Variants in LRRC4C observed in about 807,000 individuals in gnomAD.
The protein encoded by LRRC4C is leucine-rich repeat-containing protein 4C.
LRRC4C carries 5 observed loss-of-function variants against 33.6 expected under a neutral mutation model. The ratio of observed to expected loss-of-function variants is 0.15; its 90% CI spans 0.08 to 0.31. LRRC4C has a LOEUF of 0.31. LRRC4C is among the 10% of genes least tolerant of loss of function. LRRC4C has a pLI of 1.00. For missense variants in LRRC4C, 560 were observed against 796.7 expected, an observed-to-expected ratio of 0.70 and a Z score of 3.58; for synonymous variants, 329 against 302.0, an observed-to-expected ratio of 1.09 and a Z score of -0.93.
At chr11:40,863,213 C>A (rs1954189097) in intron 2 of LRRC4C, among the ~76,000 whole-genome samples, 1 of 152,168 alleles carries the variant, frequency 6.6e-6, no homozygotes, top group Non-Finnish European at 1.5e-5. Context: ...AAAGCACAGA[C>A]TAATTCACTC....
rs148120180 is a variant in LRRC4C at position 41,377,220 on chromosome 11, A to C, written c.-496+82211T>G. 1.5e-3 allele frequency among the ~76,000 whole-genome samples: 229 copies of C among 152,284 alleles called. 1 individual carries two copies. The highest frequency in any genetic ancestry group is 5.2e-3 in the African/African-American group (217 of 41,562). On this transcript the variant is annotated intron_variant, in intron 1 of 6. Transcript: ENST00000528697. The stretch of plus-strand genomic sequence containing the variant: ...TTTTTTCTTCCTTTCATTCTTGAAA[A>C]ATACATTTATTAACACTTTTGTGTG...
chr11:40,232,568 C>A (rs1865281180), intron 5 of LRRC4C, among the ~76,000 whole-genome samples: 1 of 152,180 alleles, frequency 6.6e-6, no homozygotes, highest in Admixed American at 6.5e-5. Flanking sequence ...AAGTACTATA[C>A]AAATAACATT....
intron 2 of LRRC4C, among the ~76,000 whole-genome samples, chr11:40,800,596 T>G (rs912492969): frequency 6.6e-6 from 1 of 152,186 alleles, no homozygotes; most frequent in Non-Finnish European, 1.5e-5. Flanking sequence ...TTAGGAATAA[T>G]TAACTCTGTA....
chr11:40,760,385 G>GAAA (rs970651821), intron 2 of LRRC4C, among the ~76,000 whole-genome samples: 5 of 139,306 alleles, frequency 3.6e-5, no homozygotes, highest in Non-Finnish European at 7.7e-5. Flanking sequence ...TCACAAAGTT[G>GAAA]AAAATATTTA....
chr11:40,846,121 T>C (rs550210218), intron 2 of LRRC4C, among the ~76,000 whole-genome samples: 1 of 152,270 alleles, frequency 6.6e-6, no homozygotes, highest in Non-Finnish European at 1.5e-5. Context: ...TCTCCCATTC[T>C]GTAGGTTGCC....
chr11:40,350,602 A>G (rs1471339159), intron 3 of LRRC4C, among the ~76,000 whole-genome samples: 2 of 152,102 alleles, frequency 1.3e-5, no homozygotes, highest in Non-Finnish European at 2.9e-5. Flanking sequence ...TATAAATTTT[A>G]GAATTATTTT....
intron 3 of LRRC4C, among the ~76,000 whole-genome samples, chr11:40,552,062 A>T (rs568375599): frequency 6.6e-6 from 1 of 152,278 alleles, no homozygotes; most frequent in Non-Finnish European, 1.5e-5. Context: ...TTTTGACTTG[A>T]GCTGCAACAT....
At chr11:40,440,978 T>C (rs1040137746) in intron 3 of LRRC4C, among the ~76,000 whole-genome samples, 2 of 152,088 alleles carry the variant, frequency 1.3e-5, no homozygotes, top group African/African-American at 4.8e-5. Context: ...ACCCCTTACT[T>C]CTAAACACTT....
intron 1 of LRRC4C, among the ~76,000 whole-genome samples, chr11:41,070,715 A>C (rs1300270525): frequency 6.6e-6 from 1 of 152,232 alleles, no homozygotes; most frequent in African/African-American, 2.4e-5. Context: ...CCATAATGAG[A>C]TAACATTTCA....
chr11:40,829,309 G>A (rs1169300200), intron 2 of LRRC4C, among the ~76,000 whole-genome samples: 19 of 152,012 alleles, frequency 1.2e-4, no homozygotes, highest in Admixed American at 1.2e-3. Context: ...TATTGAAACA[G>A]TATGGACACA....
At position 40,687,566 on chromosome 11, in the gene LRRC4C, A is replaced by G. The variant is rs140484739; in HGVS notation, c.-406-39288T>C. ...TTAAATACACACTGCTGTTCAATCAATGAGATACACACTAATTTTACTAAA... is the reference window on the plus strand; with the variant it reads ...TTAAATACACACTGCTGTTCAATCAGTGAGATACACACTAATTTTACTAAA... On this transcript the variant is annotated intron_variant, in intron 2 of 6. Coordinates refer to ENST00000528697, the MANE Select transcript of LRRC4C (RefSeq NM_001258419.2). Among the ~76,000 whole-genome samples, 512 of 152,244 alleles carry G rather than the reference A, an allele frequency of 3.4e-3. 2 individuals are homozygous for G. The highest frequency in any genetic ancestry group is 0.012 in the African/African-American group (492 of 41,556).
intron 1 of LRRC4C, among the ~76,000 whole-genome samples, chr11:41,002,470 G>A (rs1474806743): frequency 6.6e-6 from 1 of 152,084 alleles, no homozygotes; most frequent in African/African-American, 2.4e-5. Context: ...AAGAGGCTGT[G>A]TTTCTGGGCA....
chr11:40,945,617 T>A (rs538750989), intron 1 of LRRC4C, among the ~76,000 whole-genome samples: 28 of 152,174 alleles, frequency 1.8e-4, no homozygotes, highest in Non-Finnish European at 3.4e-4. Context: ...ACAAGTCTTG[T>A]CAAGATAAAT....
At chr11:40,662,038 T>C (rs1943466713) in intron 2 of LRRC4C, among the ~76,000 whole-genome samples, 1 of 152,234 alleles carries the variant, frequency 6.6e-6, no homozygotes. Context: ...ACAAATTCAC[T>C]CTTAGCATTT....
chr11:41,165,001 C>T (rs1457650252), intron 1 of LRRC4C, among the ~76,000 whole-genome samples: 1 of 152,124 alleles, frequency 6.6e-6, no homozygotes, highest in Non-Finnish European at 1.5e-5. Flanking sequence ...TCTCCATTAT[C>T]TCAAGTAGCA....
At position 41,028,569 on chromosome 11, in the gene LRRC4C, CGACACACA is replaced by C. The variant is rs571675993; in HGVS notation, c.-495-94854_-495-94847del. ...AAACAGGACATATTTTTAGTATTCA[CGACACACA>C]CACACACACACACACACACACACAC... On this transcript the variant is annotated intron_variant, in intron 1 of 6. Transcript: ENST00000528697. 6.0e-3 allele frequency among the ~76,000 whole-genome samples: 357 copies of C among 59,284 alleles called. 2 individuals are homozygous for C. Among genetic ancestry groups the C allele is most frequent in the African/African-American group, 0.016 (341 of 21,570 alleles). The allele number at this position is 59,284 out of a possible 152,430, so 38.9% of individuals were successfully genotyped here.
chr11:41,183,208 C>A (rs758377072), intron 1 of LRRC4C, among the ~76,000 whole-genome samples: 1 of 152,140 alleles, frequency 6.6e-6, no homozygotes, highest in Non-Finnish European at 1.5e-5. Context: ...CTTCACATTT[C>A]AAAACCAATC....
chr11:41,013,200 C>A (rs1265480794), intron 1 of LRRC4C, among the ~76,000 whole-genome samples: 2 of 152,228 alleles, frequency 1.3e-5, no homozygotes, highest in Non-Finnish European at 2.9e-5. Flanking sequence ...CAGTGCCTAG[C>A]AATTGAGCTA....
At chr11:40,371,588 C>A (rs913983730) in intron 3 of LRRC4C, among the ~76,000 whole-genome samples, 4 of 152,204 alleles carry the variant, frequency 2.6e-5, no homozygotes, top group African/African-American at 9.6e-5. Context: ...GCATTTTAAC[C>A]CTTTCGGATA....
Sources: allele counts gnomAD v4.1 joint callset (sites outside exome capture counted in the v4.1 genomes callset), GRCh38; gene constraint gnomAD v4.1.1; transcripts MANE v1.5; gene names NCBI Gene and HGNC (gene_info 2026-07-23, HGNC 2026-07-21).